Variants in NARS1 observed in about 807,000 individuals in gnomAD.
NARS1 encodes asparaginyl-tRNA synthetase 1, also known as asparagine--tRNA ligase, cytoplasmic.
A neutral mutation model predicts 79.2 loss-of-function variants in NARS1; 65 were observed. The observed-to-expected ratio is 0.82, with a 90% confidence interval of 0.67 to 1.01. The LOEUF is 1.01. Among genes scored for constraint, NARS1 ranks in the 50% least tolerant of loss-of-function variants. The pLI is 0.00. For synonymous variants in NARS1, 229 were observed against 238.8 expected, an observed-to-expected ratio of 0.96 and a Z score of 0.38; for missense variants, 649 against 673.8, an observed-to-expected ratio of 0.96 and a Z score of 0.41.
chr18:57,611,683 A>G lies in NARS1; in HGVS notation c.446T>C (p.Leu149Ser), dbSNP rs1265411079. 4 of 1,593,530 alleles carry G rather than the reference A, an allele frequency of 2.5e-6. No homozygotes were observed. In the African/African-American group the frequency reaches 4.1e-5, roughly 16 times the overall value. Residue 149 changes from leucine (L) to serine (S), a missense_variant, in exon 6 of 14, where the codon TTG becomes TCG. Leu to Ser is a moderately radical substitution (Grantham distance 145). Coordinates refer to ENST00000256854, the MANE Select transcript of NARS1 (RefSeq NM_004539.4). Reference sequence around the variant, plus strand: ...CTGAAGATAACCTGTACCATCTCGCAACACCAGAAACATTAAATTCTTTCC... The same window carrying G: ...CTGAAGATAACCTGTACCATCTCGCGACACCAGAAACATTAAATTCTTTCC... ...RQGKNLMFLVLRDGTGYLQCV... is the reference protein window; with the variant it reads ...RQGKNLMFLVSRDGTGYLQCV...
chr18:57,621,648 C>T (rs1177880968), intron 1 of NARS1, 60 bp downstream of exon 1: 27 of 1,554,200 alleles, frequency 1.7e-5, no homozygotes, highest in Non-Finnish European at 1.9e-5. Flanking sequence ...CGAAACCCGA[C>T]TGGAGCAGAG....
At chr18:57,607,907 G>T (rs890034183) in intron 7 of NARS1, among the ~76,000 whole-genome samples, 6 of 145,222 alleles carry the variant, frequency 4.1e-5, no homozygotes, top group African/African-American at 1.3e-4. Flanking sequence ...TCACTCTGTC[G>T]CCCAGGCTGG....
intron 7 of NARS1, among the ~76,000 whole-genome samples, chr18:57,608,395 CCACTGCAT>C (rs2051578529): frequency 1.5e-5 from 2 of 137,882 alleles, no homozygotes. Flanking sequence ...GGAGATCGCA[CCACTGCAT>C]TCCAGCCTGC....
rs146655248 is a variant in NARS1 at position 57,607,570 on chromosome 18, G to A, written c.675C>T (p.Asp225=). 16 of 1,613,956 alleles carry A rather than the reference G, an allele frequency of 9.9e-6. No individual in the cohort carries two copies. The highest frequency in any genetic ancestry group is 4.0e-5 in the African/African-American group (3 of 74,882). ...GADNLINEES[D]VDVQLNNRHM... ...GTCTGTTGTTGAGCTGGACATCAAC[G>A]TCAGACTCCTCATTGATCAGGTTGT... is the stretch of plus-strand genomic sequence containing the variant. The change falls in exon 8 of 14, where the codon GAC becomes GAT. Residue 225 remains aspartate (D), a synonymous_variant. Transcript: ENST00000256854.
chr18:57,617,088 G>A (rs1908076629), intron 2 of NARS1, among the ~76,000 whole-genome samples: 1 of 151,232 alleles, frequency 6.6e-6, no homozygotes, highest in Non-Finnish European at 1.5e-5. Flanking sequence ...TTGATAAAAT[G>A]TATTGTTTGT....
chr18:57,621,032 C>T (rs1908277502), intron 1 of NARS1, among the ~76,000 whole-genome samples: 1 of 152,116 alleles, frequency 6.6e-6, no homozygotes. Flanking sequence ...ATTTCTTTAC[C>T]TATAAAATAG....
Position 57,615,715 on chromosome 18 carries a change from G to T in NARS1, c.268C>A (p.Arg90=), listed in dbSNP as rs762348339. The part of the protein sequence containing the change: ...REKKEAEDSL[R]REKNLEEAKK... ...GCTTCTTCCAGGTTCTTTTCTCTTC[G>T]TAAACTATCTTCTGCCTAATTTTAA... Residue 90 remains arginine (R), a synonymous_variant, in exon 4 of 14, where the codon CGA becomes AGA. Transcript: ENST00000256854. 2.5e-6 allele frequency: 4 copies of T among 1,612,682 alleles called. No individual in the cohort carries two copies. The South Asian group carries it at 3.3e-5, about 13-fold the overall frequency.
chr18:57,620,775 G>A (rs389031), intron 1 of NARS1, 124 bp from the exon 2 acceptor site: 244,359 of 518,518 alleles, frequency 0.47, 58,438 homozygotes, highest in East Asian at 0.6. Context: ...AGGTCCATAA[G>A]TAATTAATAT....
rs578176621 is a variant in NARS1 at position 57,614,351 on chromosome 18, A to C, written c.343-671T>G. On this transcript the variant is annotated intron_variant, in intron 4 of 13. Coordinates refer to ENST00000256854, the MANE Select transcript of NARS1 (RefSeq NM_004539.4). Reference sequence around the variant, plus strand: ...CCCCATCTCTACTAAAAATACAAAAATTAGCCAGGCGTGGTGGCAGGCACC... The same window carrying C: ...CCCCATCTCTACTAAAAATACAAAACTTAGCCAGGCGTGGTGGCAGGCACC... 2.7e-4 allele frequency among the ~76,000 whole-genome samples: 41 copies of C among 152,122 alleles called. No homozygotes were observed. In the East Asian group the frequency reaches 3.5e-3, roughly 13 times the overall value.
intron 12 of NARS1, 64 bp from the exon 13 acceptor site, chr18:57,602,550 A>C: frequency 6.4e-7 from 1 of 1,552,450 alleles, no homozygotes; most frequent in South Asian, 1.2e-5. Context: ...GCACTGCCCT[A>C]GAGTTTAAAT....
intron 6 of NARS1, among the ~76,000 whole-genome samples, chr18:57,610,965 CTT>C (rs773482503): frequency 2.5e-4 from 32 of 126,132 alleles, no homozygotes; most frequent in Admixed American, 5.0e-4. Context: ...TGACTATTAT[CTT>C]TTTTTTTTTT....
At chr18:57,601,814 G>A (rs775273319) in intron 13 of NARS1, 31 bp from the exon 14 acceptor site, 7 of 1,602,506 alleles carry the variant, frequency 4.4e-6, no homozygotes, top group Non-Finnish European at 6.0e-6. Context: ...AGAAAGAGGA[G>A]TAAATACTTA....
chr18:57,609,463 C>T lies in NARS1; in HGVS notation c.493-20G>A. Reference sequence around the variant, plus strand: ...CTGACACTATAAAAAGGTCAAAGCTCAAATTTAGTTATTCACATTGATTTA... The same window carrying T: ...CTGACACTATAAAAAGGTCAAAGCTTAAATTTAGTTATTCACATTGATTTA... On this transcript the variant is annotated intron_variant, in intron 6 of 13. Coordinates refer to ENST00000256854, the MANE Select transcript of NARS1 (RefSeq NM_004539.4). 6.3e-7 allele frequency: 1 copy of T among 1,591,478 alleles called. No homozygotes were observed. Among genetic ancestry groups the T allele is most frequent in the Non-Finnish European group, 8.6e-7 (1 of 1,162,444 alleles).
chr18:57,610,524 C>T (rs1461021649), intron 6 of NARS1, among the ~76,000 whole-genome samples: 1 of 152,108 alleles, frequency 6.6e-6, no homozygotes, highest in Non-Finnish European at 1.5e-5. Flanking sequence ...TGACGTGATG[C>T]AACTAAAAGA....
chr18:57,613,197 CAAA>C (rs970025195), intron 5 of NARS1, among the ~76,000 whole-genome samples: 1 of 137,080 alleles, frequency 7.3e-6, no homozygotes. Context: ...GCCAGCATAC[CAAA>C]AAAAAAAAGA....
chr18:57,617,440 C>T (rs1374902469), intron 2 of NARS1, among the ~76,000 whole-genome samples: 11 of 151,370 alleles, frequency 7.3e-5, no homozygotes, highest in Admixed American at 2.6e-4. Context: ...GGTGTGGTGG[C>T]GGGCACCTGT....
intron 1 of NARS1, among the ~76,000 whole-genome samples, chr18:57,621,190 A>G (rs1274272068): frequency 2.0e-5 from 3 of 152,134 alleles, no homozygotes; most frequent in Non-Finnish European, 4.4e-5. Context: ...CTCTGAGGTT[A>G]GAAAATTTCA....
chr18:57,605,121 G>A (rs1196459601), intron 11 of NARS1, among the ~76,000 whole-genome samples: 115 of 125,402 alleles, frequency 9.2e-4, no homozygotes, highest in African/African-American at 1.4e-3. Context: ...ACATTCTCCA[G>A]AAAAAAAAAA....
rs763931062 is a variant in NARS1, at chr18:57,605,896, A to G, written c.1212T>C (p.Asp404=). 1.2e-5 allele frequency: 19 copies of G among 1,612,874 alleles called. No individual in the cohort carries two copies. In the Admixed American group the frequency reaches 3.2e-4, roughly 27 times the overall value. Residue 404 remains aspartate (D), a synonymous_variant, in exon 11 of 14, where the codon GAT becomes GAC. Transcript: ENST00000256854. ...AGAAAGTTCCATCTTCTTTCTTTAC[A>G]TCATGTTCTTTTAGCCAAACGATAG... ...SDAIVWLKEH[D]VKKEDGTFYE...
Sources: allele counts gnomAD v4.1 joint callset (sites outside exome capture counted in the v4.1 genomes callset), GRCh38; gene constraint gnomAD v4.1.1; transcripts MANE v1.5; gene names NCBI Gene and HGNC (gene_info 2026-07-23, HGNC 2026-07-21).